P2RY12: variants seen among roughly 807,000 people sequenced by gnomAD.
P2RY12 encodes P2Y purinoceptor 12.
P2RY12 carries 3 observed loss-of-function variants against 4.5 expected under a neutral mutation model. That is an observed-to-expected ratio of 0.67 (90% CI 0.31 to 1.74). The LOEUF is 1.74. Ranked by LOEUF, P2RY12 falls within the 40% of genes most tolerant of loss-of-function variation. The probability of loss-of-function intolerance (pLI) is 0.09; values close to 1 mark genes in which losing one functional copy is unlikely to be tolerated. For missense variants in P2RY12, 356 were observed against 407.8 expected, an observed-to-expected ratio of 0.87 and a Z score of 1.09; for synonymous variants, 148 against 154.1, an observed-to-expected ratio of 0.96 and a Z score of 0.29.
chr3:151,378,169 A>G (rs779845230), intron 1 of P2RY12: 1 of 1,602,838 alleles, frequency 6.2e-7, no homozygotes, highest in Non-Finnish European at 8.5e-7. Flanking sequence ...ACAGAAACAG[A>G]AAAGGTGTGG....
At chr3:151,369,567 C>A in intron 1 of P2RY12, 1 of 1,492,094 alleles carries the variant, frequency 6.7e-7, no homozygotes, top group Non-Finnish European at 9.2e-7. Context: ...TATTCTGACC[C>A]TAAGCTTCTT....
At position 151,337,559 on chromosome 3, in the gene P2RY12, T is replaced by C; in HGVS notation, c.*258A>G. The C allele has an allele frequency of 2.4e-6, 1 of 413,074 alleles. No individual in the cohort carries two copies. Among genetic ancestry groups the C allele is most frequent in the Non-Finnish European group, 4.3e-6 (1 of 231,146 alleles). 25.6% of individuals were successfully genotyped at this position (413,074 alleles called of 1,614,324 possible). On this transcript the variant is annotated 3_prime_UTR_variant, in exon 3 of 3. Coordinates refer to ENST00000302632, the MANE Select transcript of P2RY12 (RefSeq NM_022788.5). ...AACTCTGCAAAACATGAATTCTGTG[T>C]AGTTTTGCATGCAGCATGACAATTG...
At chr3:151,377,025 T>C in intron 1 of P2RY12, 1 of 1,614,044 alleles carries the variant, frequency 6.2e-7, no homozygotes, top group Non-Finnish European at 8.5e-7. Context: ...AACAACTTAC[T>C]GGACAATATT....
At position 151,368,586 on chromosome 3, in the gene P2RY12, A is replaced by ATTTATTTTATTTTAT. The variant is rs71637017; in HGVS notation, c.-180+16091_-180+16105dup. ...ATCACAGCAGCTTAGGGCAATGGTG[A>ATTTATTTTATTTTAT]TTTATTTTATTTTATTTTATTTTAT... On this transcript the variant is annotated intron_variant, in intron 1 of 2. Transcript: ENST00000302632. Among the ~76,000 whole-genome samples the ATTTATTTTATTTTAT allele has an allele frequency of 7.5e-4, 91 of 120,766 alleles. 3 individuals carry two copies. The highest frequency in any genetic ancestry group is 1.5e-3 in the East Asian group (6 of 4,036). 79.2% of individuals were successfully genotyped at this position (120,766 alleles called of 152,430 possible). A position where few individuals can be genotyped will look rare whatever the true frequency, so the allele number is the denominator to read the frequency against.
intron 1 of P2RY12, chr3:151,355,924 C>A: frequency 1.9e-6 from 3 of 1,613,836 alleles, no homozygotes; most frequent in Non-Finnish European, 2.5e-6. Context: ...GAACAAATCA[C>A]AAGCTTTGCG....
intron 1 of P2RY12, among the ~76,000 whole-genome samples, chr3:151,381,233 G>T (rs373189293): frequency 2.6e-5 from 4 of 152,200 alleles, no homozygotes; most frequent in African/African-American, 9.6e-5. Flanking sequence ...CCCTCGAATG[G>T]TACTAGATGG....
intron 1 of P2RY12, among the ~76,000 whole-genome samples, chr3:151,370,218 T>A (rs7646193): frequency 1.3e-5 from 2 of 152,194 alleles, no homozygotes; most frequent in African/African-American, 4.8e-5. Flanking sequence ...AACATTATTC[T>A]GTAAATCTTA....
chr3:151,357,442 A>T, intron 1 of P2RY12: 1 of 1,402,150 alleles, frequency 7.1e-7, no homozygotes. Flanking sequence ...ATGAAATATT[A>T]TAGTGGCTTT....
chr3:151,348,984 A>G (rs543642639), intron 1 of P2RY12, among the ~76,000 whole-genome samples: 3 of 152,330 alleles, frequency 2.0e-5, no homozygotes, highest in South Asian at 4.1e-4. Context: ...GCTCCTTAGG[A>G]TAAGATGGAT....
chr3:151,339,431 T>TAAAAA lies in P2RY12; in HGVS notation c.-14-577_-14-573dup, dbSNP rs3975402. ...CTTATTAAATAAAATACTGAATCAG[T>TAAAAA]AAAAAAAAAAAAAGCTGACCTTTTT... On this transcript the variant is annotated intron_variant, in intron 2 of 2. Coordinates refer to ENST00000302632, the MANE Select transcript of P2RY12 (RefSeq NM_022788.5). Among the ~76,000 whole-genome samples, 8 of 145,888 alleles carry TAAAAA rather than the reference T, an allele frequency of 5.5e-5. No homozygotes were observed. The East Asian group carries it at 6.0e-4, about 11-fold the overall frequency.
At chr3:151,360,455 C>G (rs761691241) in intron 1 of P2RY12, 1 of 1,606,732 alleles carries the variant, frequency 6.2e-7, no homozygotes, top group East Asian at 2.2e-5. Context: ...CTTATTTCTT[C>G]GTATATTTTT....
rs113218608 is a variant in P2RY12, at chr3:151,382,622, A to C, written c.-180+2070T>G. The stretch of plus-strand genomic sequence containing the variant: ...TTTATCTTTAAATGAGAGAAAAATT[A>C]AACTTTAATGGGGAGTTTTTTTCCG... On this transcript the variant is annotated intron_variant, in intron 1 of 2. Transcript: ENST00000302632. The C allele has an allele frequency of 1.0e-3, 1,513 of 1,503,878 alleles. 17 individuals are homozygous for C. The African/African-American group carries it at 0.019, about 18-fold the overall frequency. 93.2% of individuals were successfully genotyped at this position (1,503,878 alleles called of 1,614,324 possible).
intron 1 of P2RY12, among the ~76,000 whole-genome samples, chr3:151,355,565 G>A (rs947369658): frequency 1.3e-5 from 2 of 152,066 alleles, no homozygotes; most frequent in African/African-American, 2.4e-5. Context: ...AAAATACTAC[G>A]ACATTGAGAA....
At chr3:151,357,431 G>C in intron 1 of P2RY12, 27 of 1,460,170 alleles carry the variant, frequency 1.8e-5, no homozygotes, top group Non-Finnish European at 2.5e-5. Context: ...TATAACTAGT[G>C]ATGAAATATT....
chr3:151,338,063 C>T lies in P2RY12; in HGVS notation c.783G>A (p.Leu261=), dbSNP rs761536720. 1.7e-5 allele frequency: 27 copies of T among 1,613,918 alleles called. No homozygotes were observed. The highest frequency in any genetic ancestry group is 6.7e-5 in the African/African-American group (5 of 74,894). Residue 261 remains leucine, a synonymous_variant, in exon 3 of 3, where the codon CTG becomes CTA. Transcript: ENST00000302632. The stretch of plus-strand genomic sequence containing the variant: ...AGTCAAAGACATCCCGGGTTTGGCT[C>T]AGGGTGTAAGGAATTCGGGCAAAAT... ...PFHFARIPYT[L]SQTRDVFDCT... is the part of the protein sequence containing the mutation.
At chr3:151,382,556 A>T in intron 1 of P2RY12, 1 of 633,184 alleles carries the variant, frequency 1.6e-6, no homozygotes, top group Non-Finnish European at 2.6e-6. Flanking sequence ...TTAATTTGTT[A>T]AAGATAAGAA....
intron 1 of P2RY12, among the ~76,000 whole-genome samples, chr3:151,366,154 G>A (rs1755242757): frequency 6.6e-6 from 1 of 151,790 alleles, no homozygotes; most frequent in African/African-American, 2.4e-5. Context: ...ACATTGCCAG[G>A]GATTAAATAC....
intron 1 of P2RY12, among the ~76,000 whole-genome samples, chr3:151,380,923 T>C (rs62285881): frequency 0.067 from 10,238 of 152,280 alleles, 487 homozygotes; most frequent in Middle Eastern, 0.18. Context: ...GCTTGAAATC[T>C]GTAGGTTCAG....
chr3:151,375,620 A>G (rs1756743178), intron 1 of P2RY12, among the ~76,000 whole-genome samples: 1 of 152,192 alleles, frequency 6.6e-6, no homozygotes, highest in Non-Finnish European at 1.5e-5. Flanking sequence ...TTGTTATACT[A>G]TGTTGTATCT....
Sources: allele counts gnomAD v4.1 joint callset (sites outside exome capture counted in the v4.1 genomes callset), GRCh38; gene constraint gnomAD v4.1.1; transcripts MANE v1.5; gene names NCBI Gene and HGNC (gene_info 2026-07-23, HGNC 2026-07-21).